Variants in ITCH observed in about 807,000 individuals in gnomAD.
ITCH encodes the protein E3 ubiquitin-protein ligase Itchy homolog.
In ITCH, 28 loss-of-function variants were observed where a neutral mutation model predicts 126.8. The ratio of observed to expected loss-of-function variants is 0.22; its 90% CI spans 0.16 to 0.30. ITCH has a LOEUF of 0.30. Among genes scored for constraint, ITCH ranks in the 10% least tolerant of loss-of-function variants. The pLI is 1.00. For missense variants in ITCH, 631 were observed against 1,032.4 expected, an observed-to-expected ratio of 0.61 and a Z score of 5.33; for synonymous variants, 342 against 340.0, an observed-to-expected ratio of 1.01 and a Z score of -0.06.
At chr20:34,486,608 G>A (rs1337383916) in intron 20 of ITCH, among the ~76,000 whole-genome samples, 3 of 151,880 alleles carry the variant, frequency 2.0e-5, no homozygotes, top group Non-Finnish European at 4.4e-5. Context: ...TTACAGGCAT[G>A]AGCCACCACG....
intron 16 of ITCH, chr20:34,476,325 G>A: frequency 8.7e-7 from 1 of 1,153,218 alleles, no homozygotes; most frequent in African/African-American, 1.5e-5. Flanking sequence ...TCAGCGGCCG[G>A]CTCGCCTCCG....
Position 34,412,535 on chromosome 20 carries a change from AATTAC to A in ITCH, c.237_241del (p.Leu79PhefsTer12). ...TTTAGTATCGTTACCCCTGTGAGTA[AATTAC>A]ATTTTCGTGTGTGGAGTCACCAGAC... On this transcript the variant is annotated frameshift_variant, in exon 5 of 25. Coordinates refer to ENST00000374864, the MANE Select transcript of ITCH (RefSeq NM_031483.7). LOFTEE classifies it high-confidence loss of function. 1 of 1,600,636 alleles carries A rather than the reference AATTAC, an allele frequency of 6.2e-7. No individual in the cohort carries two copies.
chr20:34,436,125 T>C (rs549868911), intron 7 of ITCH, among the ~76,000 whole-genome samples: 10 of 152,210 alleles, frequency 6.6e-5, no homozygotes, highest in Non-Finnish European at 1.5e-4. Flanking sequence ...TTTGGAATCC[T>C]GTTTCTGCTG....
intron 11 of ITCH, among the ~76,000 whole-genome samples, chr20:34,447,648 A>G (rs1404170271): frequency 1.3e-5 from 2 of 152,194 alleles, no homozygotes; most frequent in Non-Finnish European, 2.9e-5. Flanking sequence ...TTGTCAGTAC[A>G]GTATGTCACG....
At chr20:34,417,071 G>A in intron 6 of ITCH, 2 of 605,888 alleles carry the variant, frequency 3.3e-6, no homozygotes, top group Non-Finnish European at 6.1e-6. Flanking sequence ...CACCACACCT[G>A]GCTAATTTTA....
intron 21 of ITCH, 24 bp from the exon 22 acceptor site, chr20:34,489,798 A>C (rs1989385450): frequency 1.3e-6 from 2 of 1,511,108 alleles, no homozygotes; most frequent in Non-Finnish European, 1.8e-6. Context: ...CTTAGGAAAC[A>C]ATTTGTCTTT....
At chr20:34,395,061 G>C (rs1018613106) in intron 3 of ITCH, among the ~76,000 whole-genome samples, 1 of 151,734 alleles carries the variant, frequency 6.6e-6, no homozygotes, top group African/African-American at 2.4e-5. Context: ...GTGAAACCCC[G>C]TCTCTATTAA....
intron 6 of ITCH, among the ~76,000 whole-genome samples, chr20:34,415,851 C>T (rs916935144): frequency 9.2e-5 from 14 of 151,886 alleles, no homozygotes; most frequent in Admixed American, 3.3e-4. Context: ...TTGCTGGACG[C>T]GGTGGCTCAC....
rs1285230579 is a variant in ITCH, at chr20:34,508,029, A to G, written c.*235A>G. 1 of 479,214 alleles carries G rather than the reference A, an allele frequency of 2.1e-6. No individual in the cohort carries two copies. The allele number at this position is 479,214 out of a possible 1,614,324, so 29.7% of individuals were successfully genotyped here. On this transcript the variant is annotated 3_prime_UTR_variant, in exon 25 of 25. Transcript: ENST00000374864. ...GCTTAACATGAGATTTTAACACAAC[A>G]ATGAAATTTGCCTTGTCTTATTCCA...
In ITCH at chr20:34,479,614, T is replaced by A; in HGVS notation, c.1659-16T>A. On this transcript the variant is annotated splice_polypyrimidine_tract_variant and intron_variant, in intron 17 of 24. Coordinates refer to ENST00000374864, the MANE Select transcript of ITCH (RefSeq NM_031483.7). The stretch of plus-strand genomic sequence containing the variant: ...ACCTACAAGATTTTTCATCGTAAAT[T>A]TTCTTTTGATTTCAGAGAATGGTTC... 1 of 1,612,092 alleles carries A rather than the reference T, an allele frequency of 6.2e-7. No individual in the cohort carries two copies. The highest frequency in any genetic ancestry group is 8.5e-7 in the Non-Finnish European group (1 of 1,178,350).
intron 5 of ITCH, among the ~76,000 whole-genome samples, chr20:34,413,338 ATACT>A (rs769058646): frequency 6.6e-6 from 1 of 152,196 alleles, no homozygotes; most frequent in Non-Finnish European, 1.5e-5. Flanking sequence ...TATCTAAAAC[ATACT>A]TCTAAAAATT....
chr20:34,461,273 G>A (rs560709119), intron 13 of ITCH, among the ~76,000 whole-genome samples: 39 of 152,256 alleles, frequency 2.6e-4, no homozygotes, highest in African/African-American at 9.1e-4. Flanking sequence ...CATTGGTAAT[G>A]GTGGAACAGT....
intron 24 of ITCH, among the ~76,000 whole-genome samples, chr20:34,505,896 G>A: frequency 6.6e-6 from 1 of 152,086 alleles, no homozygotes; most frequent in South Asian, 2.1e-4. Context: ...TACTTAGCAT[G>A]TTTTCAAGGT....
chr20:34,495,316 T>TATATATATAC (rs796826383), intron 23 of ITCH, among the ~76,000 whole-genome samples: 17 of 132,260 alleles, frequency 1.3e-4, no homozygotes, highest in African/African-American at 4.1e-4. Context: ...TATATATATA[T>TATATATATAC]ACACACGCAC....
At chr20:34,434,765 G>A (rs1982782953) in intron 7 of ITCH, among the ~76,000 whole-genome samples, 1 of 152,138 alleles carries the variant, frequency 6.6e-6, no homozygotes, top group African/African-American at 2.4e-5. Context: ...AGGGGCACTG[G>A]GGATGGGTCC....
rs150146369 is a variant in ITCH, at chr20:34,419,570, C to A, written c.476-4910C>A. Among the ~76,000 whole-genome samples the A allele has an allele frequency of 6.9e-3, 1,054 of 152,062 alleles. 8 individuals carry two copies. The highest frequency in any genetic ancestry group is 0.012 in the Non-Finnish European group (832 of 68,004). ...GATCTTGGCTCACTGCAACCTCCTT[C>A]CGGGTTCAGGCAATTCTCCTGCCTC... On this transcript the variant is annotated intron_variant, in intron 6 of 24. Transcript: ENST00000374864.
At chr20:34,380,053 C>T (rs1348043171) in intron 2 of ITCH, among the ~76,000 whole-genome samples, 1 of 152,008 alleles carries the variant, frequency 6.6e-6, no homozygotes, top group Non-Finnish European at 1.5e-5. Flanking sequence ...TGTGCCACCA[C>T]GCCCAGCTAA....
intron 7 of ITCH, among the ~76,000 whole-genome samples, chr20:34,431,167 C>G (rs902312140): frequency 6.6e-6 from 1 of 152,076 alleles, no homozygotes; most frequent in Non-Finnish European, 1.5e-5. Context: ...AATCCCAGTG[C>G]TTTTTGGGAG....
chr20:34,470,005 A>G (rs1326605230), intron 14 of ITCH, 43 bp from the exon 15 acceptor site: 1 of 1,496,580 alleles, frequency 6.7e-7, no homozygotes, highest in Admixed American at 1.7e-5. Context: ...ATTATCTTTT[A>G]CAAGCAGCTA....
Sources: gnomAD v4.1 joint callset for allele counts (sites outside exome capture counted in the v4.1 genomes callset) on GRCh38, gnomAD v4.1.1 for gene constraint, MANE v1.5 for transcripts, NCBI Gene and HGNC (gene_info 2026-07-23, HGNC 2026-07-21) for gene names.